The following CRPPA variants were observed in gnomAD, a reference collection of about 807,000 sequenced individuals.
The protein encoded by CRPPA is D-ribitol-5-phosphate cytidylyltransferase.
CRPPA carries 43 observed loss-of-function variants against 52.0 expected under a neutral mutation model. That is an observed-to-expected ratio of 0.83 (90% CI 0.65 to 1.07). CRPPA has a LOEUF of 1.07. Ranked by LOEUF, CRPPA falls within the 50% of genes least tolerant of loss-of-function variation. The pLI is 0.00. For missense variants in CRPPA, 629 were observed against 551.7 expected, an observed-to-expected ratio of 1.14 and a Z score of -1.40; for synonymous variants, 250 against 203.5, an observed-to-expected ratio of 1.23 and a Z score of -1.94.
At chr7:16,347,073 T>C (rs1383232158) in intron 3 of CRPPA, among the ~76,000 whole-genome samples, 1 of 152,112 alleles carries the variant, frequency 6.6e-6, no homozygotes, top group Non-Finnish European at 1.5e-5. Context: ...ACTTCCAATA[T>C]CAGGCATAAT....
chr7:16,311,143 GGT>G (rs1403580918), intron 3 of CRPPA, among the ~76,000 whole-genome samples: 1 of 151,946 alleles, frequency 6.6e-6, no homozygotes, highest in Non-Finnish European at 1.5e-5. Context: ...TAAACATAGT[GGT>G]ATGTGTATTA....
intron 5 of CRPPA, among the ~76,000 whole-genome samples, chr7:16,281,831 T>C (rs1187720519): frequency 1.3e-5 from 2 of 152,296 alleles, no homozygotes; most frequent in Non-Finnish European, 2.9e-5. Flanking sequence ...TCCCTAAGGA[T>C]GTGTTCATTT....
intron 9 of CRPPA, among the ~76,000 whole-genome samples, chr7:16,200,323 A>G (rs1322907365): frequency 1.3e-5 from 2 of 152,218 alleles, no homozygotes; most frequent in Non-Finnish European, 2.9e-5. Flanking sequence ...ATTGGAAAAC[A>G]TTCTCTCACA....
intron 1 of CRPPA, among the ~76,000 whole-genome samples, chr7:16,409,871 A>G (rs536313898): frequency 6.6e-6 from 1 of 152,338 alleles, no homozygotes; most frequent in Non-Finnish European, 1.5e-5. Flanking sequence ...GGCTCCATAT[A>G]GAGACAATGT....
intron 3 of CRPPA, among the ~76,000 whole-genome samples, chr7:16,365,562 G>A (rs898897845): frequency 6.6e-6 from 1 of 151,956 alleles, no homozygotes; most frequent in African/African-American, 2.4e-5. Context: ...CATAATAGAG[G>A]CACAAATTAG....
rs1396016739 is a variant in CRPPA, at chr7:16,117,256, G to C, written c.1252-25457C>G. Among the ~76,000 whole-genome samples the C allele has an allele frequency of 3.9e-5, 6 of 152,168 alleles. No homozygotes were observed. In the South Asian group the frequency reaches 6.2e-4, roughly 16 times the overall value. ...CTGTGAGCTGGTTTTCATGTCTCAA[G>C]TGAAACCAGGTAGTGTGAATCTGTT... On this transcript the variant is annotated intron_variant, in intron 9 of 9. Transcript: ENST00000407010.
Position 16,192,885 on chromosome 7 carries a change from G to T in CRPPA, c.1251+23181C>A, listed in dbSNP as rs372531672. On this transcript the variant is annotated intron_variant, in intron 9 of 9. Coordinates refer to ENST00000407010, the MANE Select transcript of CRPPA (RefSeq NM_001101426.4). ...AAATCAGTTGTCTATATATGTGTGG[G>T]TCTATTTCTAGACTATTTTAATTCC... Among the ~76,000 whole-genome samples the T allele has an allele frequency of 7.2e-5, 11 of 152,048 alleles. 1 individual carries two copies. Among genetic ancestry groups the T allele is most frequent in the South Asian group, 6.2e-4 (3 of 4,826 alleles).
intron 3 of CRPPA, among the ~76,000 whole-genome samples, chr7:16,324,693 T>C (rs115800919): frequency 1.3e-5 from 2 of 152,306 alleles, no homozygotes; most frequent in East Asian, 3.9e-4. Context: ...ACTAACATCA[T>C]TATCTGCTCA....
chr7:16,331,377 C>A (rs377461512), intron 3 of CRPPA, among the ~76,000 whole-genome samples: 21 of 152,262 alleles, frequency 1.4e-4, no homozygotes, highest in African/African-American at 4.6e-4. Flanking sequence ...TTCCCGCCCC[C>A]ACACCTTGCC....
At chr7:16,266,399 T>C (rs1280772517) in intron 6 of CRPPA, 4 of 152,092 alleles carry the variant, frequency 2.6e-5, no homozygotes, top group South Asian at 2.1e-4. Flanking sequence ...ACAAGGACCA[T>C]GGAATGGAAA....
At chr7:16,403,889 C>T (rs745490446) in intron 2 of CRPPA, among the ~76,000 whole-genome samples, 10 of 152,098 alleles carry the variant, frequency 6.6e-5, no homozygotes, top group Non-Finnish European at 1.5e-4. Flanking sequence ...TGTAGATAAC[C>T]AATAGCAATG....
At chr7:16,290,897 AC>A (rs1378221421) in intron 5 of CRPPA, among the ~76,000 whole-genome samples, 2 of 152,022 alleles carry the variant, frequency 1.3e-5, no homozygotes, top group Admixed American at 1.3e-4. Context: ...TCAACAAGGT[AC>A]TAATATTTAG....
intron 1 of CRPPA, among the ~76,000 whole-genome samples, chr7:16,419,671 A>G (rs1788280639): frequency 6.6e-6 from 1 of 152,044 alleles, no homozygotes; most frequent in South Asian, 2.1e-4. Context: ...CACCCAACCC[A>G]GTAATCTGTC....
At chr7:16,396,825 G>A (rs1354087731) in intron 2 of CRPPA, among the ~76,000 whole-genome samples, 1 of 152,238 alleles carries the variant, frequency 6.6e-6, no homozygotes. Flanking sequence ...ATGTGTGATG[G>A]AATACGCTAT....
chr7:16,369,932 T>C (rs1421328124), intron 3 of CRPPA, among the ~76,000 whole-genome samples: 3 of 152,136 alleles, frequency 2.0e-5, no homozygotes, highest in Admixed American at 2.0e-4. Flanking sequence ...CAATCATACA[T>C]CCCCACTGGG....
intron 9 of CRPPA, among the ~76,000 whole-genome samples, chr7:16,171,980 A>C (rs530547566): frequency 8.9e-4 from 135 of 152,236 alleles, no homozygotes; most frequent in African/African-American, 2.9e-3. Flanking sequence ...GCTATCCTAC[A>C]AGTAGCTATA....
intron 8 of CRPPA, among the ~76,000 whole-genome samples, chr7:16,237,005 A>C (rs1054442231): frequency 6.6e-6 from 1 of 151,986 alleles, no homozygotes; most frequent in African/African-American, 2.4e-5. Flanking sequence ...CTTTTTAATT[A>C]TACTTTGCCA....
intron 3 of CRPPA, among the ~76,000 whole-genome samples, chr7:16,342,246 T>C (rs1785865353): frequency 6.6e-6 from 1 of 152,168 alleles, no homozygotes; most frequent in South Asian, 2.1e-4. Flanking sequence ...ATGTTACTGT[T>C]TCCAGAAATC....
At chr7:16,241,971 T>TTTTTGGG (rs1783123848) in intron 8 of CRPPA, among the ~76,000 whole-genome samples, 3 of 86,162 alleles carry the variant, frequency 3.5e-5, no homozygotes, top group Non-Finnish European at 5.0e-5. Flanking sequence ...TTTTTTTTGT[T>TTTTTGGG]GGGGGGAGAT....
Sources: allele counts gnomAD v4.1 joint callset (sites outside exome capture counted in the v4.1 genomes callset), GRCh38; gene constraint gnomAD v4.1.1; transcripts MANE v1.5; gene names NCBI Gene and HGNC (gene_info 2026-07-23, HGNC 2026-07-21).